The following BICD1 variants were observed in gnomAD, a reference collection of about 807,000 sequenced individuals.
BICD1 encodes the protein protein bicaudal D homolog 1.
BICD1 carries 35 observed loss-of-function variants against 92.5 expected under a neutral mutation model. That is an observed-to-expected ratio of 0.38 (90% confidence interval 0.29 to 0.50). The LOEUF is 0.50. Ranked by LOEUF, BICD1 falls within the 20% of genes least tolerant of loss-of-function variation. BICD1 has a pLI of 0.93. For synonymous variants in BICD1, 429 were observed against 465.1 expected (o/e 0.92, Z 1.00); for missense variants, 950 against 1,189.8 (o/e 0.80, Z 2.97).
chr12:32,220,183 G>A (rs1485056884), intron 2 of BICD1, among the ~76,000 whole-genome samples: 3 of 152,142 alleles, frequency 2.0e-5, no homozygotes, highest in Admixed American at 1.3e-4. Context: ...ATAGGCATGG[G>A]CAAGGACTTC....
chr12:32,281,167 T>G (rs1440524820), intron 2 of BICD1, among the ~76,000 whole-genome samples: 1 of 152,196 alleles, frequency 6.6e-6, no homozygotes, highest in East Asian at 1.9e-4. Context: ...CTTTATTACC[T>G]TATTACTCTT....
intron 8 of BICD1, among the ~76,000 whole-genome samples, chr12:32,363,644 A>C (rs920638020): frequency 2.0e-5 from 3 of 152,144 alleles, no homozygotes; most frequent in African/African-American, 7.2e-5. Flanking sequence ...AACCACTTAG[A>C]TTTAGTTGTG....
intron 2 of BICD1, among the ~76,000 whole-genome samples, chr12:32,230,162 G>A (rs1293959520): frequency 6.6e-6 from 1 of 152,070 alleles, no homozygotes; most frequent in African/African-American, 2.4e-5. Context: ...GGACAAAAGT[G>A]GGCGATAATC....
chr12:32,375,250 CG>C (rs899080793), intron 9 of BICD1, among the ~76,000 whole-genome samples: 2 of 151,870 alleles, frequency 1.3e-5, no homozygotes, highest in African/African-American at 4.8e-5. Flanking sequence ...TAAATGAGGC[CG>C]GGCACGGTGG....
At chr12:32,325,830 G>A (rs557130193) in intron 4 of BICD1, among the ~76,000 whole-genome samples, 28 of 151,974 alleles carry the variant, frequency 1.8e-4, no homozygotes, top group Non-Finnish European at 3.8e-4. Context: ...ATCTTTGGGA[G>A]TGTAATCTTT....
At chr12:32,272,510 C>A (rs1306938217) in intron 2 of BICD1, among the ~76,000 whole-genome samples, 1 of 152,112 alleles carries the variant, frequency 6.6e-6, no homozygotes, top group Non-Finnish European at 1.5e-5. Flanking sequence ...GGGTGATTAC[C>A]CTTATCTTGT....
At chr12:32,240,306 C>T (rs1008531008) in intron 2 of BICD1, among the ~76,000 whole-genome samples, 3 of 151,956 alleles carry the variant, frequency 2.0e-5, no homozygotes, top group African/African-American at 4.8e-5. Context: ...TTCTAGAGGC[C>T]GGAAATGCAG....
chr12:32,204,013 G>A (rs1944981218), intron 1 of BICD1, among the ~76,000 whole-genome samples: 2 of 152,102 alleles, frequency 1.3e-5, no homozygotes, highest in South Asian at 4.1e-4. Flanking sequence ...AAGGTACTCT[G>A]GAGAAAAATG....
At chr12:32,323,820 C>T (rs568378092) in intron 4 of BICD1, among the ~76,000 whole-genome samples, 1 of 152,206 alleles carries the variant, frequency 6.6e-6, no homozygotes, top group East Asian at 1.9e-4. Flanking sequence ...GCAAAACAAA[C>T]TTAATAATTA....
intron 1 of BICD1, among the ~76,000 whole-genome samples, chr12:32,158,101 T>TC (rs1016794725): frequency 3.4e-5 from 5 of 147,954 alleles, no homozygotes; most frequent in African/African-American, 1.2e-4. Flanking sequence ...AGGGGTTTTT[T>TC]TTTTCTTTTT....
At chr12:32,223,709 A>T (rs571612987) in intron 2 of BICD1, among the ~76,000 whole-genome samples, 16 of 152,254 alleles carry the variant, frequency 1.1e-4, no homozygotes, top group African/African-American at 3.1e-4. Flanking sequence ...AATTTGGCTA[A>T]CTTAGCTAAC....
intron 2 of BICD1, among the ~76,000 whole-genome samples, chr12:32,270,977 C>T (rs927581974): frequency 5.9e-5 from 9 of 152,116 alleles, no homozygotes; most frequent in East Asian, 1.9e-4. Context: ...GCTGGCCAGC[C>T]GGAAGCCACC....
intron 8 of BICD1, among the ~76,000 whole-genome samples, chr12:32,361,323 G>A (rs1939316861): frequency 6.6e-6 from 1 of 152,084 alleles, no homozygotes. Flanking sequence ...TCAGAGGCCG[G>A]GGCGGGTAGA....
chr12:32,166,134 A>ATTTATTT (rs1555140599), intron 1 of BICD1, among the ~76,000 whole-genome samples: 1 of 31,768 alleles, frequency 3.1e-5, no homozygotes, highest in Non-Finnish European at 9.8e-5. Context: ...TTATTTATTT[A>ATTTATTT]TTTATTTATT....
chr12:32,270,216 T>C (rs1947103404), intron 2 of BICD1, among the ~76,000 whole-genome samples: 1 of 151,816 alleles, frequency 6.6e-6, no homozygotes, highest in African/African-American at 2.4e-5. Context: ...TTTAATATGG[T>C]ATATGAATAG....
intron 3 of BICD1, among the ~76,000 whole-genome samples, chr12:32,295,081 CGAAAAAA>C (rs969993386): frequency 4.8e-5 from 2 of 41,890 alleles, no homozygotes; most frequent in African/African-American, 1.8e-4. Context: ...GATTCCGTCT[CGAAAAAA>C]AAAAAAAAAA....
chr12:32,193,060 T>C (rs1187805977), intron 1 of BICD1, among the ~76,000 whole-genome samples: 1 of 152,222 alleles, frequency 6.6e-6, no homozygotes, highest in Non-Finnish European at 1.5e-5. Context: ...TGGCAGAATT[T>C]GAGAGGATTG....
chr12:32,339,158 T>G (rs895911155), intron 8 of BICD1, 179 bp downstream of exon 8: 221 of 1,322,916 alleles, frequency 1.7e-4, no homozygotes, highest in Non-Finnish European at 2.0e-4. Flanking sequence ...TTCACTCATA[T>G]TCCTTAGAAT....
chr12:32,217,266 G>A (rs1945388097), intron 2 of BICD1, among the ~76,000 whole-genome samples: 1 of 152,160 alleles, frequency 6.6e-6, no homozygotes, highest in African/African-American at 2.4e-5. Context: ...CCAATGCAGT[G>A]ATCATTGACA....
Sources: gnomAD v4.1 joint callset for allele counts (sites outside exome capture counted in the v4.1 genomes callset) on GRCh38, gnomAD v4.1.1 for gene constraint, MANE v1.5 for transcripts, NCBI Gene and HGNC (gene_info 2026-07-23, HGNC 2026-07-21) for gene names.